BSDC1: variants seen among roughly 807,000 people sequenced by gnomAD.
BSDC1 encodes the protein BSD domain-containing protein 1.
Under a neutral mutation model 56.0 loss-of-function variants are expected in BSDC1, and 29 were observed. The observed-to-expected ratio is 0.52, with a 90% confidence interval of 0.39 to 0.71. The LOEUF is 0.71. Ranked by LOEUF, BSDC1 falls within the 30% of genes least tolerant of loss-of-function variation. The pLI, the probability that BSDC1 is intolerant of heterozygous loss-of-function variation, is 0.00. For synonymous variants in BSDC1, 210 were observed against 215.3 expected (o/e 0.98, Z 0.21); for missense variants, 477 against 548.5 (o/e 0.87, Z 1.30).
In BSDC1 at chr1:32,371,727, G is replaced by A. The variant is rs141279538; in HGVS notation, c.1157-3177C>T. Among the ~76,000 whole-genome samples, 16 of 151,928 alleles carry A rather than the reference G, an allele frequency of 1.1e-4. 1 individual carries two copies. In the East Asian group the frequency reaches 2.5e-3, roughly 24 times the overall value. Reference sequence around the variant, plus strand: ...CCTACTCCTCACCAGATGCCTCCGCGCTGAGACCTACCCCTCAGCCCCGCT... The same window carrying A: ...CCTACTCCTCACCAGATGCCTCCGCACTGAGACCTACCCCTCAGCCCCGCT... On this transcript the variant is annotated intron_variant, in intron 9 of 10. Transcript: ENST00000455895.
At chr1:32,386,978 A>G (rs1642694774) in intron 2 of BSDC1, 83 bp from the exon 3 acceptor site, 1 of 1,056,836 alleles carries the variant, frequency 9.5e-7, no homozygotes, top group South Asian at 1.3e-5. Flanking sequence ...TCAGTACCAG[A>G]CAGACAAATG....
chr1:32,390,566 T>C (rs193079560), intron 2 of BSDC1, among the ~76,000 whole-genome samples: 74 of 152,214 alleles, frequency 4.9e-4, no homozygotes, highest in Admixed American at 2.6e-3. Context: ...ACGCAGAACT[T>C]GAGATGACTG....
chr1:32,376,279 G>C lies in BSDC1; in HGVS notation c.1139C>G (p.Ser380Cys). Residue 380 changes from serine (S) to cysteine (C), a missense_variant, in exon 9 of 11, where the codon TCC becomes TGC. Coordinates refer to ENST00000455895, the MANE Select transcript of BSDC1 (RefSeq NM_018045.8). ...LNSDSGKSTP[S>C]NNGKKGSSTD... ...AGACCTACCTTTCTTTCCATTGTTG[G>C]AGGGTGTAGACTTCCCACTATCCGA... 4.0e-6 allele frequency: 6 copies of C among 1,515,558 alleles called. No homozygotes were observed. Among genetic ancestry groups the C allele is most frequent in the Non-Finnish European group, 5.4e-6 (6 of 1,121,064 alleles). 93.9% of individuals were successfully genotyped at this position (1,515,558 alleles called of 1,614,324 possible).
Position 32,366,274 on chromosome 1 carries a change from G to A in BSDC1, c.*348C>T, listed in dbSNP as rs1641846024. On this transcript the variant is annotated 3_prime_UTR_variant, in exon 11 of 11. Coordinates refer to ENST00000455895, the MANE Select transcript of BSDC1 (RefSeq NM_018045.8). The stretch of plus-strand genomic sequence containing the variant: ...GGTGGTTTAGCTTCTGTCTACACAG[G>A]CAGAAGGGCTAGAACTATCCCTTGG... 1 of 447,358 alleles carries A rather than the reference G, an allele frequency of 2.2e-6. No homozygotes were observed. The highest frequency in any genetic ancestry group is 2.2e-5 in the South Asian group (1 of 45,120). 27.7% of individuals were successfully genotyped at this position (447,358 alleles called of 1,614,324 possible). A position where few individuals can be genotyped will look rare whatever the true frequency, so the allele number is the denominator to read the frequency against.
At chr1:32,366,844 A>AG (rs1458976222) in intron 10 of BSDC1, 190 bp from the exon 11 acceptor site, 7 of 1,331,528 alleles carry the variant, frequency 5.3e-6, no homozygotes, top group Non-Finnish European at 6.7e-6. Context: ...CCTCTGCCTG[A>AG]GGGGTGGGCC....
At chr1:32,375,707 T>C (rs773945557) in intron 9 of BSDC1, among the ~76,000 whole-genome samples, 1 of 152,228 alleles carries the variant, frequency 6.6e-6, no homozygotes, top group East Asian at 1.9e-4. Flanking sequence ...TATTTCATAA[T>C]AACGAAGGCT....
At chr1:32,381,324 C>G in intron 4 of BSDC1, 56 bp from the exon 5 acceptor site, 1 of 1,509,434 alleles carries the variant, frequency 6.6e-7, no homozygotes, top group Non-Finnish European at 9.2e-7. Flanking sequence ...GCATAGAAAG[C>G]ACCCTTTCTC....
In BSDC1 at chr1:32,378,330, G is replaced by T; in HGVS notation, c.529-47C>A. 1 of 1,574,770 alleles carries T rather than the reference G, an allele frequency of 6.4e-7. No homozygotes were observed. The highest frequency in any genetic ancestry group is 1.1e-5 in the South Asian group (1 of 90,150). On this transcript the variant is annotated intron_variant, in intron 6 of 10. Transcript: ENST00000455895. The surrounding 1 kb of genome is among the most constrained non-coding windows in gnomAD (Gnocchi z 5.2). ...GGTGAGACTTTGGGAGTGTTTGTGT[G>T]GGGTCTGTGTCCCCAGCCTTATCAG...
In BSDC1 at chr1:32,366,401, T is replaced by C. The variant is rs1341607357; in HGVS notation, c.*221A>G. ...TTTCCTCTCCCTTGGGTCATCCTAT[T>C]GTTGGCACAAGTCAGAGTTTCTGGC... On this transcript the variant is annotated 3_prime_UTR_variant, in exon 11 of 11. Transcript: ENST00000455895. 1.4e-6 allele frequency: 1 copy of C among 701,712 alleles called. No individual in the cohort carries two copies. Among genetic ancestry groups the C allele is most frequent in the Non-Finnish European group, 2.6e-6 (1 of 384,040 alleles). The allele number at this position is 701,712 out of a possible 1,614,324, so 43.5% of individuals were successfully genotyped here. A position where few individuals can be genotyped will look rare whatever the true frequency, so the allele number is the denominator to read the frequency against.
intron 2 of BSDC1, among the ~76,000 whole-genome samples, chr1:32,390,960 C>A (rs138886922): frequency 7.2e-5 from 11 of 151,954 alleles, no homozygotes; most frequent in Non-Finnish European, 1.6e-4. Context: ...GTCTAAGAGT[C>A]GCCCTAACAG....
chr1:32,367,027 T>G (rs1327876975), intron 10 of BSDC1: 2 of 1,020,728 alleles, frequency 2.0e-6, no homozygotes, highest in East Asian at 8.8e-5. Flanking sequence ...TCAGGAGGCC[T>G]GAGCAGATAC....
chr1:32,383,487 C>G (rs960671511), intron 4 of BSDC1, among the ~76,000 whole-genome samples: 3 of 151,002 alleles, frequency 2.0e-5, no homozygotes, highest in East Asian at 1.9e-4. Context: ...AGGAAAGATG[C>G]TATGTTTGTT....
chr1:32,388,945 C>CTTCTTTTTT (rs951291351), intron 2 of BSDC1, among the ~76,000 whole-genome samples: 1 of 151,462 alleles, frequency 6.6e-6, no homozygotes, highest in Non-Finnish European at 1.5e-5. Flanking sequence ...TTTATCTCTT[C>CTTCTTTTTT]TTCTTTTTTT....
chr1:32,368,116 C>T, intron 10 of BSDC1: 1 of 1,384,836 alleles, frequency 7.2e-7, no homozygotes, highest in South Asian at 1.7e-5. Context: ...AAGCAATCCT[C>T]CCACCTTGGC....
intron 9 of BSDC1, among the ~76,000 whole-genome samples, chr1:32,371,326 T>A (rs866959644): frequency 8.8e-5 from 13 of 147,716 alleles, no homozygotes; most frequent in East Asian, 2.0e-4. Context: ...TTTTTTTTTT[T>A]ATTTGAGATG....
chr1:32,383,990 C>A lies in BSDC1; in HGVS notation c.197G>T (p.Gly66Val), dbSNP rs767619454. 11 of 1,613,062 alleles carry A rather than the reference C, an allele frequency of 6.8e-6. No homozygotes were observed. In the East Asian group the frequency reaches 2.2e-4, roughly 33 times the overall value. Residue 66 changes from glycine to valine, a missense_variant, in exon 4 of 11, where the codon GGC becomes GTC. Gly to Val is a moderately radical substitution (Grantham distance 109). Transcript: ENST00000455895. ...CATCTTCTCTGTTGCTCCTGAGGAG[C>A]CTTCCGTCTGTATAGAGAACGGGCA... ...SVVKEKLATE[G>V]SSGATEKMKK...
chr1:32,377,884 T>C, intron 8 of BSDC1, 86 bp downstream of exon 8: 1 of 1,316,240 alleles, frequency 7.6e-7, no homozygotes, highest in Admixed American at 2.2e-5. Context: ...GGGCACCAAG[T>C]CTCTCCAGGC....
At chr1:32,382,887 A>AAAG (rs1265738361) in intron 4 of BSDC1, among the ~76,000 whole-genome samples, 243 of 149,380 alleles carry the variant, frequency 1.6e-3, no homozygotes, top group Middle Eastern at 3.4e-3. Flanking sequence ...AAAAAAAAAA[A>AAAG]AAGAAGAAGA....
intron 4 of BSDC1, 26 bp from the exon 5 acceptor site, chr1:32,381,294 CAG>C (rs2148128270): frequency 6.2e-7 from 1 of 1,611,124 alleles, no homozygotes; most frequent in Non-Finnish European, 8.5e-7. Context: ...AAGAGGAAAA[CAG>C]AAATTCTGAG....
Sources: allele counts gnomAD v4.1 joint callset (sites outside exome capture counted in the v4.1 genomes callset), GRCh38; gene constraint gnomAD v4.1.1; non-coding constraint Gnocchi (gnomAD v3.1); transcripts MANE v1.5; gene names NCBI Gene and HGNC (gene_info 2026-07-23, HGNC 2026-07-21).